The following MAPK10 variants were observed in gnomAD, a reference collection of about 807,000 sequenced individuals.
MAPK10 encodes JNK3 alpha protein kinase.
MAPK10 carries 25 observed loss-of-function variants against 59.3 expected under a neutral mutation model. The observed-to-expected ratio is 0.42, with a 90% CI of 0.31 to 0.59. The LOEUF is 0.59. Ranked by LOEUF, MAPK10 falls within the 20% of genes least tolerant of loss-of-function variation. The pLI, the probability that MAPK10 is intolerant of heterozygous loss-of-function variation, is 0.15. For synonymous variants in MAPK10, 190 were observed against 200.5 expected, an observed-to-expected ratio of 0.95 and a Z score of 0.44; for missense variants, 351 against 568.9, an observed-to-expected ratio of 0.62 and a Z score of 3.90.
chr4:86,114,056 G>A (rs1580486739), intron 4 of MAPK10, among the ~76,000 whole-genome samples: 1 of 152,124 alleles, frequency 6.6e-6, no homozygotes. Flanking sequence ...GTGTTTTTCA[G>A]CTCCATCAGG....
At chr4:86,588,151 A>G (rs1178386636) in intron 1 of MAPK10, among the ~76,000 whole-genome samples, 1 of 152,132 alleles carries the variant, frequency 6.6e-6, no homozygotes. Context: ...ACTGGAATAC[A>G]GTCTGGGGGC....
chr4:86,200,515 A>G (rs984183497), intron 2 of MAPK10, among the ~76,000 whole-genome samples: 1 of 151,898 alleles, frequency 6.6e-6, no homozygotes, highest in African/African-American at 2.4e-5. Flanking sequence ...TCCATTGCTG[A>G]CAAAAATGTA....
chr4:86,171,444 T>C (rs967876568), intron 3 of MAPK10, among the ~76,000 whole-genome samples: 1 of 151,950 alleles, frequency 6.6e-6, no homozygotes, highest in African/African-American at 2.4e-5. Flanking sequence ...CTATCTGATC[T>C]TTGACAAACC....
chr4:86,523,999 GGTGA>G (rs1353210829), intron 1 of MAPK10, among the ~76,000 whole-genome samples: 1 of 152,060 alleles, frequency 6.6e-6, no homozygotes, highest in Non-Finnish European at 1.5e-5. Flanking sequence ...CTCCTTCAAG[GGTGA>G]GTGAGTTCCC....
chr4:86,125,550 T>C (rs1360429149), intron 4 of MAPK10: 1 of 152,100 alleles, frequency 6.6e-6, no homozygotes, highest in Admixed American at 6.6e-5. Flanking sequence ...GTGCTTCTGG[T>C]TGAAGAGGCT....
At chr4:86,318,887 A>G (rs1236674074) in intron 2 of MAPK10, among the ~76,000 whole-genome samples, 1 of 149,666 alleles carries the variant, frequency 6.7e-6, no homozygotes, top group Admixed American at 6.8e-5. Flanking sequence ...ATCTCTCTCC[A>G]TAGCACTTCT....
chr4:86,093,568 T>G (rs1438109720), intron 9 of MAPK10, among the ~76,000 whole-genome samples: 1 of 151,952 alleles, frequency 6.6e-6, no homozygotes, highest in Non-Finnish European at 1.5e-5. Context: ...GACAGAATTC[T>G]AAAAGACCAC....
intron 1 of MAPK10, among the ~76,000 whole-genome samples, chr4:86,438,002 C>A (rs1451868617): frequency 1.3e-5 from 2 of 152,098 alleles, no homozygotes; most frequent in Non-Finnish European, 2.9e-5. Flanking sequence ...AAAGTATATG[C>A]TGAATGATGC....
chr4:86,562,383 ACT>A (rs1256252074), intron 1 of MAPK10, among the ~76,000 whole-genome samples: 3 of 152,100 alleles, frequency 2.0e-5, no homozygotes, highest in Admixed American at 6.6e-5. Context: ...ATGCCAATCT[ACT>A]CATCAATTTT....
chr4:86,368,811 A>C (rs1469423806), intron 1 of MAPK10, among the ~76,000 whole-genome samples: 1 of 152,174 alleles, frequency 6.6e-6, no homozygotes, highest in Non-Finnish European at 1.5e-5. Context: ...TGTAGTTCAC[A>C]AATGATAACG....
At chr4:86,342,089 T>G (rs577647921) in intron 2 of MAPK10, among the ~76,000 whole-genome samples, 1 of 152,162 alleles carries the variant, frequency 6.6e-6, no homozygotes, top group Admixed American at 6.5e-5. Context: ...ACAGCCAAAA[T>G]TGACAAGAAC....
intron 4 of MAPK10, among the ~76,000 whole-genome samples, chr4:86,116,931 A>G (rs1233667487): frequency 6.6e-6 from 1 of 152,250 alleles, no homozygotes; most frequent in African/African-American, 2.4e-5. Context: ...AGGACAGGAT[A>G]AAGCATTAAT....
chr4:86,209,652 A>G (rs538321375), intron 2 of MAPK10, among the ~76,000 whole-genome samples: 3 of 152,258 alleles, frequency 2.0e-5, no homozygotes, highest in South Asian at 2.1e-4. Context: ...AAAATAGTCA[A>G]TGTTTATGTA....
At position 86,164,132 on chromosome 4, in the gene MAPK10, AAAC is replaced by A. The variant is rs1027507348; in HGVS notation, c.67-4668_67-4666del. ...TGTTTCTTTTGAATGATATAGCTGA[AAAC>A]AGCACTGAGCCTGGATCAGTTCTGC... On this transcript the variant is annotated intron_variant, in intron 3 of 13. Coordinates refer to ENST00000641462, the MANE Select transcript of MAPK10 (RefSeq NM_138982.4). Among the ~76,000 whole-genome samples, 16 of 152,176 alleles carry A rather than the reference AAAC, an allele frequency of 1.1e-4. 1 individual carries two copies. The highest frequency in any genetic ancestry group is 3.6e-4 in the African/African-American group (15 of 41,454).
chr4:86,435,016 T>A (rs945382276), intron 1 of MAPK10, among the ~76,000 whole-genome samples: 14 of 152,180 alleles, frequency 9.2e-5, no homozygotes, highest in African/African-American at 3.1e-4. Flanking sequence ...TGGAGGTCAT[T>A]ACATTAAGTG....
chr4:86,058,580 C>A (rs2045101269), intron 11 of MAPK10, among the ~76,000 whole-genome samples: 2 of 149,570 alleles, frequency 1.3e-5, no homozygotes, highest in Admixed American at 6.6e-5. Flanking sequence ...TACCTGGGCT[C>A]CAGTAAATCG....
chr4:86,235,754 C>T (rs568442771), intron 2 of MAPK10, among the ~76,000 whole-genome samples: 4 of 152,236 alleles, frequency 2.6e-5, no homozygotes, highest in African/African-American at 7.2e-5. Flanking sequence ...GGGGACCGGG[C>T]GCCTGAGTCA....
At chr4:86,200,886 T>A (rs1358557990) in intron 2 of MAPK10, among the ~76,000 whole-genome samples, 1 of 151,872 alleles carries the variant, frequency 6.6e-6, no homozygotes, top group African/African-American at 2.4e-5. Context: ...TTAGTTATTT[T>A]AAAATATACA....
intron 2 of MAPK10, among the ~76,000 whole-genome samples, chr4:86,263,313 G>A (rs2094092467): frequency 6.6e-6 from 1 of 152,100 alleles, no homozygotes; most frequent in South Asian, 2.1e-4. Flanking sequence ...CTTTTCTTTA[G>A]CTATTTTTCA....
Sources: gnomAD v4.1 joint callset for allele counts (sites outside exome capture counted in the v4.1 genomes callset) on GRCh38, gnomAD v4.1.1 for gene constraint, MANE v1.5 for transcripts, NCBI Gene and HGNC (gene_info 2026-07-23, HGNC 2026-07-21) for gene names.